Variants in NAB1 observed in about 807,000 individuals in gnomAD.
NAB1 encodes the protein NGFI-A binding protein 1, also known as NGFI-A-binding protein 1.
Under a neutral mutation model 49.9 loss-of-function variants are expected in NAB1, and 25 were observed. The ratio of observed to expected loss-of-function variants is 0.50; its 90% CI spans 0.37 to 0.70. NAB1 has a LOEUF of 0.70. NAB1 is among the 30% of genes least tolerant of loss of function. NAB1 has a pLI of 0.00. For missense variants in NAB1, 489 were observed against 575.9 expected, an observed-to-expected ratio of 0.85 and a Z score of 1.54; for synonymous variants, 198 against 215.6, an observed-to-expected ratio of 0.92 and a Z score of 0.71.
chr2:190,672,617 C>T (rs950877233), intron 5 of NAB1, among the ~76,000 whole-genome samples: 1 of 152,008 alleles, frequency 6.6e-6, no homozygotes, highest in Non-Finnish European at 1.5e-5. Context: ...TAAATTATTC[C>T]TACTGAACCA....
chr2:190,690,284 T>A lies in NAB1; in HGVS notation c.1415T>A (p.Phe472Tyr). ...GILKDYPHSA[F>Y]TLEKKVIKTE... Reference sequence around the variant, plus strand: ...TTAAAAGACTACCCTCATTCAGCTTTTACCTTAGAAAAGAAAGTCATCAAA... The same window carrying A: ...TTAAAAGACTACCCTCATTCAGCTTATACCTTAGAAAAGAAAGTCATCAAA... Residue 472 changes from phenylalanine (F) to tyrosine (Y), a missense_variant, in exon 10 of 10, where the codon TTT (phenylalanine) becomes TAT (tyrosine). Around this residue, in one of 4 missense-constraint regions of NAB1, gnomAD observed 212 missense variants for 199.3 expected, o/e 1.06. Coordinates refer to ENST00000337386, the MANE Select transcript of NAB1 (RefSeq NM_005966.4). 1 of 1,613,106 alleles carries A rather than the reference T, an allele frequency of 6.2e-7. No individual in the cohort carries two copies. The highest frequency in any genetic ancestry group is 8.5e-7 in the Non-Finnish European group (1 of 1,179,396).
At chr2:190,671,920 C>T (rs552404375) in intron 5 of NAB1, among the ~76,000 whole-genome samples, 28 of 151,936 alleles carry the variant, frequency 1.8e-4, no homozygotes, top group Non-Finnish European at 3.1e-4. Flanking sequence ...GGACTACAGG[C>T]GTGCACCACC....
rs1467346087 is a variant in NAB1 at position 190,666,376 on chromosome 2, A to G, written c.820-3950A>G. Among the ~76,000 whole-genome samples, 2 of 152,178 alleles carry G rather than the reference A, an allele frequency of 1.3e-5. No individual in the cohort carries two copies. Among genetic ancestry groups the G allele is most frequent in the African/African-American group, 4.8e-5 (2 of 41,438 alleles). ...TCTTCTTAAGGATAAAGATAACTGT[A>G]GTAAGTCCAGTTTTTAAGTCCGGTT... On this transcript the variant is annotated intron_variant, in intron 4 of 9. Coordinates refer to ENST00000337386, the MANE Select transcript of NAB1 (RefSeq NM_005966.4). This position sits in a 1 kb window ranked among gnomAD's most constrained non-coding sequence, Gnocchi z 5.6.
Position 190,685,263 on chromosome 2 carries a change from G to A in NAB1, c.1096-213G>A, listed in dbSNP as rs1356780130. Among the ~76,000 whole-genome samples, 1 of 152,146 alleles carries A rather than the reference G, an allele frequency of 6.6e-6. No homozygotes were observed. Among genetic ancestry groups the A allele is most frequent in the Non-Finnish European group, 1.5e-5 (1 of 68,012 alleles). ...TTCTCTTGAAAGAATTGAGAAGAAA[G>A]CTTTTATCTTTTGTACAATATCCAG... is the stretch of plus-strand genomic sequence containing the variant. On this transcript the variant is annotated intron_variant, in intron 7 of 9. Coordinates refer to ENST00000337386, the MANE Select transcript of NAB1 (RefSeq NM_005966.4). The surrounding 1 kb of genome is among the most constrained non-coding windows in gnomAD (Gnocchi z 4.5).
In NAB1 at chr2:190,659,529, G is replaced by C; in HGVS notation, c.353G>C (p.Ser118Thr). 1.2e-6 allele frequency: 2 copies of C among 1,614,196 alleles called. No individual in the cohort carries two copies. The highest frequency in any genetic ancestry group is 1.7e-6 in the Non-Finnish European group (2 of 1,180,034). The change falls in exon 4 of 10, where the codon AGC becomes ACC. Residue 118 changes from serine (S) to threonine (T), a missense_variant. Physicochemically the swap from Ser to Thr is moderately conservative, Grantham distance 58. This residue lies in a region of NAB1 where 204 missense variants were observed against 220.9 expected (regional missense o/e 0.92). Coordinates refer to ENST00000337386, the MANE Select transcript of NAB1 (RefSeq NM_005966.4). The surrounding 1 kb of genome is among the most constrained non-coding windows in gnomAD (Gnocchi z 6.2). ...TCCTGCAGTAGTTATGAAAGGAGTA[G>C]CAATGCCCGGGAACCTCATTTAAAA... Reference protein sequence around the residue: ...GISCSSYERSSNAREPHLKIP... With the variant: ...GISCSSYERSTNAREPHLKIP...
chr2:190,667,278 T>A lies in NAB1; in HGVS notation c.820-3048T>A, dbSNP rs1220382493. Among the ~76,000 whole-genome samples, 1 of 152,226 alleles carries A rather than the reference T, an allele frequency of 6.6e-6. No individual in the cohort carries two copies. Among genetic ancestry groups the A allele is most frequent in the Non-Finnish European group, 1.5e-5 (1 of 68,038 alleles). ...TTATGTTGAAAAGTTATTTTCTGTG[T>A]TTGTGCATAAGCTAGTACCTCTGAA... On this transcript the variant is annotated intron_variant, in intron 4 of 9. Transcript: ENST00000337386. This position sits in a 1 kb window ranked among gnomAD's most constrained non-coding sequence, Gnocchi z 4.4.
intron 5 of NAB1, among the ~76,000 whole-genome samples, 173 bp from the exon 6 acceptor site, chr2:190,672,928 A>C (rs769403858): frequency 3.4e-4 from 52 of 152,196 alleles, no homozygotes; most frequent in Non-Finnish European, 6.2e-4. Flanking sequence ...TTAACTTGGA[A>C]ATGATGAAAG....
In NAB1 at chr2:190,677,600, T is replaced by TA. The variant is rs1341450676; in HGVS notation, c.1005+4453dup. On this transcript the variant is annotated intron_variant, in intron 6 of 9. Transcript: ENST00000337386. The surrounding 1 kb of genome is among the most constrained non-coding windows in gnomAD (Gnocchi z 5.6). ...AAATCTTCTCATTCTGGGGCAATTGTAAAAATCGCTACTTTGTATTGCTTT... is the reference window on the plus strand; with the variant it reads ...AAATCTTCTCATTCTGGGGCAATTGTAAAAAATCGCTACTTTGTATTGCTTT... 6.6e-6 allele frequency: 1 copy of TA among 152,236 alleles called. No homozygotes were observed. Among genetic ancestry groups the TA allele is most frequent in the African/African-American group, 2.4e-5 (1 of 41,464 alleles). 9.4% of individuals were successfully genotyped at this position (152,236 alleles called of 1,614,324 possible). A position where few individuals can be genotyped will look rare whatever the true frequency, so the allele number is the denominator to read the frequency against.
chr2:190,687,345 T>TA (rs1192822178), intron 9 of NAB1, 28 bp downstream of exon 9: 2 of 1,123,398 alleles, frequency 1.8e-6, no homozygotes, highest in African/African-American at 3.7e-5. Context: ...GATGAGAGGG[T>TA]AACACTTGAA....
intron 3 of NAB1, among the ~76,000 whole-genome samples, chr2:190,656,577 A>T (rs1253852485): frequency 6.6e-6 from 1 of 152,172 alleles, no homozygotes; most frequent in East Asian, 1.9e-4. Context: ...ATCAGTCTTT[A>T]TGGAGATATT....
intron 4 of NAB1, among the ~76,000 whole-genome samples, chr2:190,668,928 G>A (rs1345060765): frequency 6.6e-6 from 1 of 152,194 alleles, no homozygotes; most frequent in Non-Finnish European, 1.5e-5. Context: ...CACAGCAAGA[G>A]ATTAACAACA....
In NAB1 at chr2:190,670,762, G is replaced by C. The variant is rs1227006838; in HGVS notation, c.953+303G>C. On this transcript the variant is annotated intron_variant, in intron 5 of 9. Coordinates refer to ENST00000337386, the MANE Select transcript of NAB1 (RefSeq NM_005966.4). This position sits in a 1 kb window ranked among gnomAD's most constrained non-coding sequence, Gnocchi z 5.3. ...TGAGTGTGACGAGGGGATTTAGTCAGACAGCATTTATAGACGTATTTGTAC... is the reference window on the plus strand; with the variant it reads ...TGAGTGTGACGAGGGGATTTAGTCACACAGCATTTATAGACGTATTTGTAC... 4.6e-5 allele frequency among the ~76,000 whole-genome samples: 7 copies of C among 152,144 alleles called. No individual in the cohort carries two copies. The highest frequency in any genetic ancestry group is 4.6e-4 in the Admixed American group (7 of 15,272).
In NAB1 at chr2:190,669,830, T is replaced by C. The variant is rs1190417482; in HGVS notation, c.820-496T>C. On this transcript the variant is annotated intron_variant, in intron 4 of 9. Transcript: ENST00000337386. This position sits in a 1 kb window ranked among gnomAD's most constrained non-coding sequence, Gnocchi z 4.3. ...TTGATTTTCCAATATAGCCCTAGTA[T>C]ATGATAACTCTGTTTTTTACTAAGT... Among the ~76,000 whole-genome samples the C allele has an allele frequency of 6.6e-6, 1 of 152,198 alleles. No homozygotes were observed. The highest frequency in any genetic ancestry group is 2.4e-5 in the African/African-American group (1 of 41,446).
chr2:190,690,270 C>T lies in NAB1; in HGVS notation c.1401C>T (p.Tyr467=). Residue 467 remains tyrosine (Y), a synonymous_variant, in exon 10 of 10, where the codon TAC becomes TAT. Transcript: ENST00000337386. ...AGAGCCTTGGGATTTTAAAAGACTACCCTCATTCAGCTTTTACCTTAGAAA... is the reference window on the plus strand; with the variant it reads ...AGAGCCTTGGGATTTTAAAAGACTATCCTCATTCAGCTTTTACCTTAGAAA... ...SSESLGILKD[Y]PHSAFTLEKK... is the part of the protein sequence containing the mutation. The T allele has an allele frequency of 6.2e-7, 1 of 1,612,208 alleles. No homozygotes were observed. Among genetic ancestry groups the T allele is most frequent in the Non-Finnish European group, 8.5e-7 (1 of 1,178,694 alleles).
At position 190,680,589 on chromosome 2, in the gene NAB1, G is replaced by A. The variant is rs932469710; in HGVS notation, c.1006-3149G>A. On this transcript the variant is annotated intron_variant, in intron 6 of 9. Coordinates refer to ENST00000337386, the MANE Select transcript of NAB1 (RefSeq NM_005966.4). This position sits in a 1 kb window ranked among gnomAD's most constrained non-coding sequence, Gnocchi z 5.2. ...TATTCCCATATTGAGTACAGTGTAT[G>A]AATCAGCTGGGTGGATGCGACATTT... Among the ~76,000 whole-genome samples, 1 of 152,210 alleles carries A rather than the reference G, an allele frequency of 6.6e-6. No individual in the cohort carries two copies. The highest frequency in any genetic ancestry group is 1.5e-5 in the Non-Finnish European group (1 of 68,038).
At chr2:190,672,969 T>C (rs912479471) in intron 5 of NAB1, 132 bp from the exon 6 acceptor site, 1 of 732,852 alleles carries the variant, frequency 1.4e-6, no homozygotes, top group Non-Finnish European at 2.3e-6. Context: ...ATGATCATTA[T>C]GAATATGTCA....
At position 190,676,413 on chromosome 2, in the gene NAB1, T is replaced by A. The variant is rs2125783183; in HGVS notation, c.1005+3261T>A. On this transcript the variant is annotated intron_variant, in intron 6 of 9. Coordinates refer to ENST00000337386, the MANE Select transcript of NAB1 (RefSeq NM_005966.4). The surrounding 1 kb of genome is among the most constrained non-coding windows in gnomAD (Gnocchi z 4.6). ...GAGTCTTTCTCTTGTGATTCTCAGC[T>A]TGTTATTTTCTATTTAAAGAAAGTA... Among the ~76,000 whole-genome samples the A allele has an allele frequency of 6.6e-6, 1 of 152,330 alleles. No individual in the cohort carries two copies. The highest frequency in any genetic ancestry group is 1.5e-5 in the Non-Finnish European group (1 of 68,022).
upstream of NAB1, chr2:190,649,006 A>AG (rs1415239731): frequency 1.4e-5 from 1 of 69,614 alleles, no homozygotes; most frequent in African/African-American, 5.3e-5. The surrounding 1 kb of genome is among the most constrained non-coding windows in gnomAD (Gnocchi z 6.1). Context: ...CGGGCGGGGG[A>AG]GGGGGAGGAG....
Position 190,685,429 on chromosome 2 carries a change from A to G in NAB1, c.1096-47A>G, listed in dbSNP as rs2125860964. On this transcript the variant is annotated intron_variant, in intron 7 of 9. Transcript: ENST00000337386. This position sits in a 1 kb window ranked among gnomAD's most constrained non-coding sequence, Gnocchi z 4.5. ...ATTGGCATCTTTAAACCATTAAAAA[A>G]TCTAGAATGTTTCAGTTACTGATTT... The G allele has an allele frequency of 1.3e-6, 2 of 1,521,798 alleles. No individual in the cohort carries two copies. The highest frequency in any genetic ancestry group is 1.8e-6 in the Non-Finnish European group (2 of 1,131,554). The allele number at this position is 1,521,798 out of a possible 1,614,324, so 94.3% of individuals were successfully genotyped here.
Sources: allele counts gnomAD v4.1 joint callset (sites outside exome capture counted in the v4.1 genomes callset), GRCh38; gene constraint gnomAD v4.1.1; regional missense constraint gnomAD v4.1.1; non-coding constraint Gnocchi (gnomAD v3.1); transcripts MANE v1.5; gene names NCBI Gene and HGNC (gene_info 2026-07-23, HGNC 2026-07-21).